Variants in ANKRD44 observed in about 807,000 individuals in gnomAD.
ANKRD44 encodes the protein serine/threonine-protein phosphatase 6 regulatory ankyrin repeat subunit B.
Under a neutral mutation model 116.0 loss-of-function variants are expected in ANKRD44, and 35 were observed. The observed-to-expected ratio is 0.30, with a 90% confidence interval of 0.23 to 0.40. The LOEUF is 0.40. Ranked by LOEUF, ANKRD44 falls within the 10% of genes least tolerant of loss-of-function variation. The pLI is 1.00. For missense variants in ANKRD44, 1,014 were observed against 1,242.6 expected (o/e 0.82, Z 2.77); for synonymous variants, 435 against 461.8 (o/e 0.94, Z 0.74).
chr2:197,079,359 T>C (rs757389531), intron 15 of ANKRD44, among the ~76,000 whole-genome samples: 4 of 152,154 alleles, frequency 2.6e-5, no homozygotes, highest in Non-Finnish European at 5.9e-5. Context: ...GAATGAAGAA[T>C]TAACTTCATA....
intron 25 of ANKRD44, 117 bp from the exon 26 acceptor site, chr2:196,995,578 T>C (rs2075998187): frequency 2.8e-6 from 2 of 708,582 alleles, no homozygotes; most frequent in East Asian, 2.8e-5. Context: ...GAACATTCTA[T>C]AGGGCTATTT....
At position 197,164,942 on chromosome 2, in the gene ANKRD44, C is replaced by G. The variant is rs368500939; in HGVS notation, c.112-17837G>C. ...AAACCCTGCCCCCTGCCACTTGGAG[C>G]CATATAACCTTAGGCAAGTTACTAG... On this transcript the variant is annotated intron_variant, in intron 2 of 27. Coordinates refer to ENST00000282272, the MANE Select transcript of ANKRD44 (RefSeq NM_001195144.2). Among the ~76,000 whole-genome samples the G allele has an allele frequency of 4.3e-3, 654 of 152,220 alleles. 3 individuals carry two copies. Among genetic ancestry groups the G allele is most frequent in the African/African-American group, 0.014 (599 of 41,522 alleles).
chr2:197,001,633 A>C (rs2076116858), intron 22 of ANKRD44, 120 bp downstream of exon 22: 1 of 685,442 alleles, frequency 1.5e-6, no homozygotes, highest in African/African-American at 1.8e-5. Context: ...TTTAGCAGCA[A>C]AAATGGAATA....
chr2:197,273,722 T>C (rs897988900), intron 1 of ANKRD44, among the ~76,000 whole-genome samples: 1 of 152,048 alleles, frequency 6.6e-6, no homozygotes, highest in Non-Finnish European at 1.5e-5. Context: ...CAAACACCAG[T>C]TGGCTGGAGC....
rs370657568 is a variant in ANKRD44 at position 196,993,656 on chromosome 2, C to T, written c.2850G>A (p.Ala950=). 19 of 1,550,874 alleles carry T rather than the reference C, an allele frequency of 1.2e-5. No homozygotes were observed. Among genetic ancestry groups the T allele is most frequent in the East Asian group, 2.4e-5 (1 of 40,944 alleles). ...CAACTACCACCTTTAAGCCATTGCGCGCAGCGACGTGGAGGGGTCTAAAAA... is the reference window on the plus strand; with the variant it reads ...CAACTACCACCTTTAAGCCATTGCGTGCAGCGACGTGGAGGGGTCTAAAAA... ...NALQTPLHVA[A]RNGLKVVVEE... Residue 950 remains alanine, a synonymous_variant, in exon 27 of 28, where the codon GCG becomes GCA. Transcript: ENST00000282272.
At chr2:197,283,505 T>TA (rs2083322907) in intron 1 of ANKRD44, among the ~76,000 whole-genome samples, 1 of 152,250 alleles carries the variant, frequency 6.6e-6, no homozygotes, top group African/African-American at 2.4e-5. Flanking sequence ...GCAATTCAAG[T>TA]AAAAAATAGT....
chr2:197,121,038 T>C (rs141176463), intron 8 of ANKRD44, among the ~76,000 whole-genome samples: 3,721 of 151,816 alleles, frequency 0.025, 147 homozygotes, highest in African/African-American at 0.085. Context: ...TAAGCAATTC[T>C]CTGCCTCAGC....
intron 21 of ANKRD44, among the ~76,000 whole-genome samples, chr2:196,970,833 C>T (rs2075710086): frequency 1.3e-5 from 2 of 152,134 alleles, no homozygotes; most frequent in South Asian, 4.1e-4. Flanking sequence ...TCCTGGGTAG[C>T]TGGGACTACA....
In ANKRD44 at chr2:197,203,658, G is replaced by A. The variant is rs775377079; in HGVS notation, c.28-16552C>T. On this transcript the variant is annotated intron_variant, in intron 1 of 27. Transcript: ENST00000282272. The surrounding 1 kb of genome is among the most constrained non-coding windows in gnomAD (Gnocchi z 4.1). The stretch of plus-strand genomic sequence containing the variant: ...TTGAAGCAAAAACGTGTACCTAAAT[G>A]TCCACAGCAGTACTATTCACAACAG... 1.6e-4 allele frequency among the ~76,000 whole-genome samples: 24 copies of A among 152,156 alleles called. No individual in the cohort carries two copies. The highest frequency in any genetic ancestry group is 3.2e-4 in the Non-Finnish European group (22 of 68,038).
At chr2:197,252,073 T>C (rs2082329784) in intron 1 of ANKRD44, among the ~76,000 whole-genome samples, 1 of 152,192 alleles carries the variant, frequency 6.6e-6, no homozygotes, top group Non-Finnish European at 1.5e-5. Context: ...TATCCTAAAA[T>C]TGCTAAGTAC....
chr2:197,123,836 C>A lies in ANKRD44; in HGVS notation c.551-1044G>T, dbSNP rs917322685. On this transcript the variant is annotated intron_variant, in intron 6 of 27. Coordinates refer to ENST00000282272, the MANE Select transcript of ANKRD44 (RefSeq NM_001195144.2). ...TTTTATTAAAATTTGACTCTTTTCT[C>A]TCCAAGACTTTATATAGAAAAAATT... is the stretch of plus-strand genomic sequence containing the variant. Among the ~76,000 whole-genome samples the A allele has an allele frequency of 7.5e-4, 114 of 152,068 alleles. 9 individuals carry two copies. Among genetic ancestry groups the A allele is most frequent in the Non-Finnish European group, 4.4e-5 (3 of 68,028 alleles).
At chr2:197,219,829 T>C (rs1280611450) in intron 1 of ANKRD44, among the ~76,000 whole-genome samples, 1 of 152,078 alleles carries the variant, frequency 6.6e-6, no homozygotes, top group Non-Finnish European at 1.5e-5. Flanking sequence ...AAAGACATTC[T>C]ACAGAGAAAA....
intron 27 of ANKRD44, 169 bp from the exon 28 acceptor site, chr2:196,989,818 C>T: frequency 7.2e-7 from 1 of 1,392,252 alleles, no homozygotes; most frequent in Non-Finnish European, 9.3e-7. Flanking sequence ...GACTGAGAAG[C>T]TCATTTTACT....
At chr2:197,063,548 AC>A (rs1410809426) in intron 16 of ANKRD44, among the ~76,000 whole-genome samples, 1 of 152,136 alleles carries the variant, frequency 6.6e-6, no homozygotes, top group African/African-American at 2.4e-5. Context: ...GAAGCTAAAA[AC>A]CTTGAAAAAA....
Position 197,136,634 on chromosome 2 carries a change from C to T in ANKRD44, c.219G>A (p.Met73Ile). Residue 73 changes from methionine to isoleucine, a missense_variant, in exon 4 of 28, where the codon ATG (methionine) becomes ATA (isoleucine). Coordinates refer to ENST00000282272, the MANE Select transcript of ANKRD44 (RefSeq NM_001195144.2). ...SGARVNAKDNMWLTPLHRAVA... is the reference protein window; with the variant it reads ...SGARVNAKDNIWLTPLHRAVA... ...CAGCCCGGTGCAGTGGAGTCAGCCACATGTTGTCCTTGGCATTTACACGAG... is the reference window on the plus strand; with the variant it reads ...CAGCCCGGTGCAGTGGAGTCAGCCATATGTTGTCCTTGGCATTTACACGAG... 6.2e-7 allele frequency: 1 copy of T among 1,614,160 alleles called. No homozygotes were observed. The highest frequency in any genetic ancestry group is 8.5e-7 in the Non-Finnish European group (1 of 1,180,022).
At chr2:197,265,037 G>T (rs1471106670) in intron 1 of ANKRD44, among the ~76,000 whole-genome samples, 1 of 152,074 alleles carries the variant, frequency 6.6e-6, no homozygotes, top group Non-Finnish European at 1.5e-5. Context: ...GGCACACTGA[G>T]AAAACCCAGT....
chr2:197,131,281 T>C (rs1402738773), intron 4 of ANKRD44, among the ~76,000 whole-genome samples: 1 of 148,780 alleles, frequency 6.7e-6, no homozygotes, highest in Non-Finnish European at 1.5e-5. Context: ...AAGCTCCGCC[T>C]CCCGGGTTCA....
At chr2:197,232,591 A>G (rs2081889803) in intron 1 of ANKRD44, among the ~76,000 whole-genome samples, 1 of 152,162 alleles carries the variant, frequency 6.6e-6, no homozygotes, top group Non-Finnish European at 1.5e-5. Context: ...TGTTTTTGAA[A>G]ATCTCTTTTT....
intron 1 of ANKRD44, among the ~76,000 whole-genome samples, chr2:197,215,096 G>A (rs188958461): frequency 4.5e-4 from 69 of 152,160 alleles, no homozygotes; most frequent in African/African-American, 1.5e-3. Context: ...GGCTGGTCTC[G>A]AACTCCTGGC....
Sources: allele counts gnomAD v4.1 joint callset (sites outside exome capture counted in the v4.1 genomes callset), GRCh38; gene constraint gnomAD v4.1.1; non-coding constraint Gnocchi (gnomAD v3.1); transcripts MANE v1.5; gene names NCBI Gene and HGNC (gene_info 2026-07-23, HGNC 2026-07-21).